TMEM254: variants seen among roughly 807,000 people sequenced by gnomAD.
The protein encoded by TMEM254 is transmembrane protein C10orf57.
Under a neutral mutation model 13.9 loss-of-function variants are expected in TMEM254, and 16 were observed. The ratio of observed to expected loss-of-function variants is 1.15; its 90% CI spans 0.78 to 1.75. The LOEUF is 1.75. Among genes scored for constraint, TMEM254 ranks in the 40% most tolerant of loss-of-function variants. TMEM254 has a pLI of 0.00. For synonymous variants in TMEM254, 61 were observed against 56.4 expected, an observed-to-expected ratio of 1.08 and a Z score of -0.36; for missense variants, 155 against 149.0, an observed-to-expected ratio of 1.04 and a Z score of -0.21.
rs1172971193 is a variant in TMEM254, at chr10:80,091,292, C to T, written c.*375C>T. 2 of 159,168 alleles carry T rather than the reference C, an allele frequency of 1.3e-5. No homozygotes were observed. The highest frequency in any genetic ancestry group is 1.4e-5 in the Non-Finnish European group (1 of 72,954). 9.9% of individuals were successfully genotyped at this position (159,168 alleles called of 1,614,324 possible). On this transcript the variant is annotated 3_prime_UTR_variant, in exon 4 of 4. Coordinates refer to ENST00000372281, the MANE Select transcript of TMEM254 (RefSeq NM_025125.4). ...CGCCTTCTGATGAAAACACCTTACC[C>T]TCACAACCACCATCTTTCCTCTCCT... is the stretch of plus-strand genomic sequence containing the variant.
rs758611777 is a variant in TMEM254 at position 80,081,881 on chromosome 10, T to G, written c.128T>G (p.Leu43Arg). The change falls in exon 2 of 4, where the codon CTT (leucine) becomes CGT (arginine). Residue 43 changes from leucine (L) to arginine (R), a missense_variant. By Grantham distance (102) the Leu-to-Arg change is moderately radical. Coordinates refer to ENST00000372281, the MANE Select transcript of TMEM254 (RefSeq NM_025125.4). ...FWPQSIPYQN[L>R]GPLGPFTQYL... is the part of the protein sequence containing the mutation. ...CCTCAGAGTATCCCTTATCAGAACC[T>G]TGGGCCCCTGGGCCCCTTCACTCAG... The G allele has an allele frequency of 6.2e-7, 1 of 1,614,136 alleles. No homozygotes were observed. Among genetic ancestry groups the G allele is most frequent in the Non-Finnish European group, 8.5e-7 (1 of 1,180,054 alleles).
chr10:80,090,865 C>T lies in TMEM254; in HGVS notation c.320C>T (p.Ala107Val), dbSNP rs201620739. 1.1e-5 allele frequency: 17 copies of T among 1,613,968 alleles called. No homozygotes were observed. Among genetic ancestry groups the T allele is most frequent in the South Asian group, 2.2e-5 (2 of 91,080 alleles). The change falls in exon 4 of 4, where the codon GCG becomes GTG. Residue 107 changes from alanine to valine, a missense_variant. Physicochemically the swap from Ala to Val is moderately conservative, Grantham distance 64. Transcript: ENST00000372281. ...CTACAGACTTTCTTCTTTGGGATAG[C>T]GTCTCTCACCATCTTGATTGCTTAC... The part of the protein sequence containing the change: ...WFLQTFFFGI[A>V]SLTILIAYKR...
rs1414870259 is a variant in TMEM254 at position 80,091,199 on chromosome 10, G to A, written c.*282G>A. On this transcript the variant is annotated 3_prime_UTR_variant, in exon 4 of 4. Transcript: ENST00000372281. ...CCTTCTTACAGTCTTTGGCTGTGTT[G>A]GTACCCTCGTGTGCTCTGAGCTAAG... is the stretch of plus-strand genomic sequence containing the variant. 2.8e-5 allele frequency: 8 copies of A among 282,676 alleles called. No homozygotes were observed. The highest frequency in any genetic ancestry group is 4.4e-5 in the African/African-American group (2 of 44,958). The allele number at this position is 282,676 out of a possible 1,614,324, so 17.5% of individuals were successfully genotyped here. A position where few individuals can be genotyped will look rare whatever the true frequency, so the allele number is the denominator to read the frequency against.
intron 3 of TMEM254, among the ~76,000 whole-genome samples, chr10:80,086,070 G>A (rs1407203613): frequency 2.0e-5 from 3 of 152,046 alleles, no homozygotes; most frequent in Non-Finnish European, 4.4e-5. Context: ...CAGGTAAATT[G>A]TGAAATTTTT....
chr10:80,091,634 T>G lies in TMEM254; in HGVS notation c.*717T>G, dbSNP rs1486522869. 6.6e-6 allele frequency: 1 copy of G among 152,326 alleles called. No homozygotes were observed. Among genetic ancestry groups the G allele is most frequent in the African/African-American group, 2.4e-5 (1 of 41,468 alleles). The allele number at this position is 152,326 out of a possible 1,614,324, so 9.4% of individuals were successfully genotyped here. The stretch of plus-strand genomic sequence containing the variant: ...GTGCTCTGCAGTGTGCAGGGCCTGA[T>G]GGCACTGCTAGATTGCTCCTTCAGC... On this transcript the variant is annotated 3_prime_UTR_variant, in exon 4 of 4. Transcript: ENST00000372281.
At chr10:80,084,669 T>C (rs1330868501) in intron 3 of TMEM254, among the ~76,000 whole-genome samples, 1 of 152,112 alleles carries the variant, frequency 6.6e-6, no homozygotes, top group Non-Finnish European at 1.5e-5. Context: ...AGGACCTCTT[T>C]CCAATGGCCT....
intron 1 of TMEM254, among the ~76,000 whole-genome samples, chr10:80,081,242 T>C (rs184871642): frequency 6.7e-6 from 1 of 150,056 alleles, no homozygotes; most frequent in Non-Finnish European, 1.5e-5. Flanking sequence ...CAAAGCGAGA[T>C]CCCTTCTCTA....
intron 1 of TMEM254, chr10:80,079,069 C>T: frequency 6.9e-7 from 1 of 1,449,756 alleles, no homozygotes; most frequent in Non-Finnish European, 9.2e-7. Flanking sequence ...AACTCTGTGT[C>T]TGGGTTTTTC....
intron 3 of TMEM254, among the ~76,000 whole-genome samples, chr10:80,089,040 C>T (rs1487414681): frequency 6.6e-6 from 1 of 151,836 alleles, no homozygotes; most frequent in Non-Finnish European, 1.5e-5. Context: ...TGAATATAGT[C>T]AATTTTTTAT....
chr10:80,079,169 G>C, intron 1 of TMEM254: 3 of 1,310,470 alleles, frequency 2.3e-6, no homozygotes, highest in African/African-American at 1.5e-5. Flanking sequence ...CAGTCCTGGG[G>C]CTGGGCTACT....
chr10:80,084,441 A>C (rs1844211176), intron 3 of TMEM254, among the ~76,000 whole-genome samples: 1 of 152,174 alleles, frequency 6.6e-6, no homozygotes, highest in South Asian at 2.1e-4. Flanking sequence ...CACAGTAAAC[A>C]ACTTCCGTAT....
chr10:80,090,702 GGTA>G, intron 3 of TMEM254, 92 bp from the exon 4 acceptor site: 2 of 1,148,870 alleles, frequency 1.7e-6, no homozygotes. Flanking sequence ...AGTAGTGGAA[GGTA>G]TAATTTAAAA....
Position 80,078,718 on chromosome 10 carries a change from G to C in TMEM254, c.19G>C (p.Ala7Pro). 6.2e-7 allele frequency: 1 copy of C among 1,604,706 alleles called. No homozygotes were observed. The highest frequency in any genetic ancestry group is 8.5e-7 in the Non-Finnish European group (1 of 1,176,780). The stretch of plus-strand genomic sequence containing the variant: ...TGCAGCCATGGCTACGGCAGCCGGC[G>C]CGACCTACTTTCAGCGAGGCAGTCT... MATAAG[A>P]TYFQRGSLFW... Residue 7 changes from alanine to proline, a missense_variant, in exon 1 of 4, where the codon GCG (alanine) becomes CCG (proline). Ala to Pro is a conservative substitution (Grantham distance 27). Coordinates refer to ENST00000372281, the MANE Select transcript of TMEM254 (RefSeq NM_025125.4).
In TMEM254 at chr10:80,078,739, A is replaced by T. The variant is rs1000428633; in HGVS notation, c.40A>T (p.Ser14Cys). 1.2e-6 allele frequency: 2 copies of T among 1,609,058 alleles called. No homozygotes were observed. Among genetic ancestry groups the T allele is most frequent in the Non-Finnish European group, 1.7e-6 (2 of 1,178,250 alleles). The change falls in exon 1 of 4, where the codon AGT (serine) becomes TGT (cysteine). Residue 14 changes from serine to cysteine, a missense_variant. Coordinates refer to ENST00000372281, the MANE Select transcript of TMEM254 (RefSeq NM_025125.4). ...CGGCGCGACCTACTTTCAGCGAGGCAGTCTGTTCTGGTTCACAGTCATCAC... is the reference window on the plus strand; with the variant it reads ...CGGCGCGACCTACTTTCAGCGAGGCTGTCTGTTCTGGTTCACAGTCATCAC... Reference protein sequence around the residue: ...AAGATYFQRGSLFWFTVITLS... With the variant: ...AAGATYFQRGCLFWFTVITLS...
intron 1 of TMEM254, 139 bp downstream of exon 1, chr10:80,078,925 G>A: frequency 6.6e-7 from 1 of 1,522,178 alleles, no homozygotes; most frequent in Non-Finnish European, 8.9e-7. Context: ...GAGCGGAGGG[G>A]AGGGGACCAG....
Position 80,091,767 on chromosome 10 carries a change from T to G in TMEM254, c.*850T>G, listed in dbSNP as rs1210109261. Reference sequence around the variant, plus strand: ...ATTGAACAAAGGAGGGAAACTGATTTCACTTTCACTTGTTCATTATCATTC... The same window carrying G: ...ATTGAACAAAGGAGGGAAACTGATTGCACTTTCACTTGTTCATTATCATTC... On this transcript the variant is annotated 3_prime_UTR_variant, in exon 4 of 4. Coordinates refer to ENST00000372281, the MANE Select transcript of TMEM254 (RefSeq NM_025125.4). 6.6e-6 allele frequency: 1 copy of G among 152,234 alleles called. No homozygotes were observed. Among genetic ancestry groups the G allele is most frequent in the East Asian group, 1.9e-4 (1 of 5,194 alleles). 9.4% of individuals were successfully genotyped at this position (152,234 alleles called of 1,614,324 possible).
Position 80,082,143 on chromosome 10 carries a change from A to G in TMEM254, c.192-2A>G. ...AAAGATTAACCTTTTTTTTGGTTTC[A>G]GGTATTGGCTTGCCTGGCTGATTCA... On this transcript the variant is annotated splice_acceptor_variant, in intron 2 of 3. Coordinates refer to ENST00000372281, the MANE Select transcript of TMEM254 (RefSeq NM_025125.4). LOFTEE classifies it high-confidence loss of function. 3.7e-6 allele frequency: 6 copies of G among 1,613,936 alleles called. No homozygotes were observed. Among genetic ancestry groups the G allele is most frequent in the Non-Finnish European group, 5.1e-6 (6 of 1,179,950 alleles).
At position 80,078,675 on chromosome 10, in the gene TMEM254, G is replaced by T. The variant is rs1843771599; in HGVS notation, c.-25G>T. On this transcript the variant is annotated 5_prime_UTR_variant, in exon 1 of 4. Transcript: ENST00000372281. ...CTCGCGCTCGACGGTGTCCTGAAGC[G>T]CGCTCCCGGGGAGGTGTTGCAGCCA... 1.3e-6 allele frequency: 2 copies of T among 1,576,086 alleles called. No homozygotes were observed. Among genetic ancestry groups the T allele is most frequent in the South Asian group, 2.3e-5 (2 of 87,134 alleles).
intron 1 of TMEM254, among the ~76,000 whole-genome samples, chr10:80,080,715 A>T (rs772957511): frequency 1.3e-5 from 2 of 151,950 alleles, no homozygotes; most frequent in Non-Finnish European, 2.9e-5. Flanking sequence ...GAGGCGGGCA[A>T]ATCGCTTGAG....
Sources: gnomAD v4.1 joint callset for allele counts (sites outside exome capture counted in the v4.1 genomes callset) on GRCh38, gnomAD v4.1.1 for gene constraint, MANE v1.5 for transcripts, NCBI Gene and HGNC (gene_info 2026-07-23, HGNC 2026-07-21) for gene names.